The following DHRS4L2 variants were observed in gnomAD, a reference collection of about 807,000 sequenced individuals.
The protein encoded by DHRS4L2 is dehydrogenase/reductase 4 like 2.
A neutral mutation model predicts 23.9 loss-of-function variants in DHRS4L2; 22 were observed. The ratio of observed to expected loss-of-function variants is 0.92; its 90% confidence interval spans 0.66 to 1.31. The LOEUF (loss-of-function observed/expected upper bound fraction) is 1.31. Among genes scored for constraint, DHRS4L2 ranks in the 40% most tolerant of loss-of-function variants. The pLI, the probability that DHRS4L2 is intolerant of heterozygous loss-of-function variation, is 0.00. For synonymous variants in DHRS4L2, 141 were observed against 123.7 expected, an observed-to-expected ratio of 1.14 and a Z score of -0.93; for missense variants, 385 against 303.3, an observed-to-expected ratio of 1.27 and a Z score of -2.00.
Position 23,990,205 on chromosome 14 carries a change from G to A in DHRS4L2, c.152G>A (p.Arg51His), listed in dbSNP as rs571000190. 18 of 1,612,794 alleles carry A rather than the reference G, an allele frequency of 1.1e-5. No individual in the cohort carries two copies. The highest frequency in any genetic ancestry group is 4.5e-5 in the East Asian group (2 of 44,872). Residue 51 changes from arginine to histidine, a missense_variant, in exon 2 of 8, where the codon CGT (arginine) becomes CAT (histidine). Physicochemically the swap from Arg to His is conservative, Grantham distance 29 (BLOSUM62 0). Coordinates refer to ENST00000335125, the MANE Select transcript of DHRS4L2 (RefSeq NM_198083.4). ...AGGATCGGCTTCGCCATCGCCCGGCGTTTGGCCCAGGACAGGGCCCACGTG... is the reference window on the plus strand; with the variant it reads ...AGGATCGGCTTCGCCATCGCCCGGCATTTGGCCCAGGACAGGGCCCACGTG... ...TDGIGFAIARRLAQDRAHVVV... is the reference protein window; with the variant it reads ...TDGIGFAIARHLAQDRAHVVV...
chr14:23,997,813 A>T (rs2034411113), intron 3 of DHRS4L2, among the ~76,000 whole-genome samples: 1 of 151,328 alleles, frequency 6.6e-6, no homozygotes, highest in Non-Finnish European at 1.5e-5. Context: ...CTTCTTCCAG[A>T]CTCCTGTAAA....
upstream of DHRS4L2, among the ~76,000 whole-genome samples, chr14:23,988,231 C>A (rs1272556266): frequency 6.7e-6 from 1 of 150,016 alleles, no homozygotes; most frequent in Admixed American, 6.7e-5. Context: ...TGCATTTCCA[C>A]CACTGCTTGA....
upstream of DHRS4L2, chr14:23,988,752 T>A (rs554494097): frequency 2.2e-6 from 3 of 1,381,790 alleles, no homozygotes; most frequent in Middle Eastern, 2.4e-4. Context: ...CAAGCCCCAG[T>A]CAGGCGGAAG....
chr14:23,989,822 C>A (rs200223714), intron 1 of DHRS4L2, among the ~76,000 whole-genome samples: 4 of 151,606 alleles, frequency 2.6e-5, no homozygotes, highest in Admixed American at 2.0e-4. Context: ...AGAAACCTGG[C>A]GGCAGGACTG....
At chr14:23,996,677 G>C (rs1283561069) in intron 3 of DHRS4L2, among the ~76,000 whole-genome samples, 1 of 131,706 alleles carries the variant, frequency 7.6e-6, no homozygotes, top group Non-Finnish European at 1.5e-5. Flanking sequence ...CCCTCGCTGT[G>C]TCATTGAGGC....
intron 2 of DHRS4L2, among the ~76,000 whole-genome samples, chr14:23,994,451 A>T (rs1386817000): frequency 1.3e-5 from 2 of 151,752 alleles, no homozygotes; most frequent in African/African-American, 4.8e-5. Context: ...ACTTTAGGAT[A>T]CCAAGGCAGG....
intron 3 of DHRS4L2, among the ~76,000 whole-genome samples, chr14:24,000,013 A>G (rs1363704447): frequency 7.3e-6 from 1 of 136,998 alleles, no homozygotes; most frequent in Non-Finnish European, 1.5e-5. Flanking sequence ...TTTTTTTTTT[A>G]ATTTACATTT....
Position 24,005,985 on chromosome 14 carries a change from C to T in DHRS4L2, c.*122C>T, listed in dbSNP as rs760051631. On this transcript the variant is annotated 3_prime_UTR_variant, in exon 8 of 8. Coordinates refer to ENST00000335125, the MANE Select transcript of DHRS4L2 (RefSeq NM_198083.4). ...AAACAGTGGTGGTGGGTGGAGGAAC[C>T]CCGTCCCGCCTCTGAGGACCGGGAG... 2 of 1,608,312 alleles carry T rather than the reference C, an allele frequency of 1.2e-6. No individual in the cohort carries two copies. Among genetic ancestry groups the T allele is most frequent in the South Asian group, 2.2e-5 (2 of 90,394 alleles).
In DHRS4L2 at chr14:23,988,988, G is replaced by C; in HGVS notation, c.41G>C (p.Arg14Pro). ...CTGCTAGGCCTCTGTGCCTGGGCAC[G>C]GAAGTCGGTGCGGATGGCCAGCTCC... ...ARLLGLCAWARKSVRMASSRM... is the reference protein window; with the variant it reads ...ARLLGLCAWAPKSVRMASSRM... Residue 14 changes from arginine (R) to proline (P), a missense_variant, in exon 1 of 8, where the codon CGG becomes CCG. Arg to Pro is a moderately radical substitution (Grantham distance 103, BLOSUM62 -2). Transcript: ENST00000335125. 6.2e-7 allele frequency: 1 copy of C among 1,611,306 alleles called. No homozygotes were observed. The highest frequency in any genetic ancestry group is 8.5e-7 in the Non-Finnish European group (1 of 1,178,554).
At chr14:23,988,775 G>A (rs1594463111), upstream of DHRS4L2, 25 of 1,402,080 alleles carry the variant, frequency 1.8e-5, no homozygotes, top group Non-Finnish European at 2.3e-5. Flanking sequence ...AGCTGGCTGC[G>A]GGGCGGGGCG....
chr14:23,977,995 C>T (rs1459342779), intron 1 of DHRS4L2, among the ~76,000 whole-genome samples: 2 of 151,676 alleles, frequency 1.3e-5, no homozygotes, highest in Non-Finnish European at 2.9e-5. Flanking sequence ...TTAACTTCTC[C>T]ACTTCAGAAT....
At chr14:23,980,459 C>T (rs1291186214) in intron 1 of DHRS4L2, among the ~76,000 whole-genome samples, 1 of 134,750 alleles carries the variant, frequency 7.4e-6, no homozygotes, top group Non-Finnish European at 1.6e-5. Flanking sequence ...TTTATGAGGC[C>T]AGCATCATCC....
chr14:23,994,592 C>G (rs370524954), intron 2 of DHRS4L2, among the ~76,000 whole-genome samples: 1 of 151,412 alleles, frequency 6.6e-6, no homozygotes, highest in Admixed American at 6.6e-5. Flanking sequence ...GGGGGCTGAG[C>G]CAAGAGGATG....
intron 1 of DHRS4L2, among the ~76,000 whole-genome samples, chr14:23,976,400 A>G (rs775097053): frequency 6.6e-6 from 1 of 151,988 alleles, no homozygotes; most frequent in African/African-American, 2.4e-5. Context: ...CAAAACCACA[A>G]TGAGATACCA....
upstream of DHRS4L2, chr14:23,988,865 C>T (rs1445217380): frequency 1.4e-5 from 22 of 1,524,454 alleles, 1 homozygote; most frequent in African/African-American, 8.2e-5. Flanking sequence ...GGCAGGGAAG[C>T]GGCCCGCCCT....
chr14:23,993,441 T>C (rs961879490), intron 2 of DHRS4L2, among the ~76,000 whole-genome samples: 8 of 151,698 alleles, frequency 5.3e-5, no homozygotes, highest in African/African-American at 1.9e-4. Flanking sequence ...GCAGATGGTG[T>C]ACATTGTTAG....
chr14:23,994,923 A>G, intron 2 of DHRS4L2, 109 bp from the exon 3 acceptor site: 3 of 1,351,104 alleles, frequency 2.2e-6, no homozygotes, highest in Admixed American at 1.8e-5. Flanking sequence ...TGCTATGATT[A>G]CAGGCATGAG....
chr14:23,970,706 C>T lies in DHRS4L2; in HGVS notation c.-176+374C>T, dbSNP rs560162349. On this transcript the variant is annotated intron_variant, in intron 1 of 5. Coordinates refer to the DHRS4L2 transcript ENST00000534993. ...ACCCCCATGTAGCTTGACTGAAAAA[C>T]ACCGACCAGTAGGGGCGGAGAGACA... 9.2e-5 allele frequency among the ~76,000 whole-genome samples: 14 copies of T among 152,150 alleles called. 1 individual carries two copies. The South Asian group carries it at 2.7e-3, about 29-fold the overall frequency.
upstream of DHRS4L2, among the ~76,000 whole-genome samples, chr14:23,986,018 C>T (rs547196458): frequency 2.4e-4 from 37 of 151,470 alleles, 2 homozygotes; most frequent in Non-Finnish European, 4.4e-4. Context: ...AGACCACACC[C>T]GGCTCATTTT....
Sources: allele counts gnomAD v4.1 joint callset (sites outside exome capture counted in the v4.1 genomes callset), GRCh38; gene constraint gnomAD v4.1.1; transcripts MANE v1.5; gene names NCBI Gene and HGNC (gene_info 2026-07-23, HGNC 2026-07-21).